Variants in RERE observed in about 807,000 individuals in gnomAD.
RERE encodes the protein arginine-glutamic acid dipeptide repeats.
In RERE, 40 loss-of-function variants were observed where a neutral mutation model predicts 146.1. The observed-to-expected ratio is 0.27, with a 90% CI of 0.21 to 0.36. RERE has a LOEUF of 0.36. Among genes scored for constraint, RERE ranks in the 10% least tolerant of loss-of-function variants. RERE has a pLI of 1.00. For missense variants in RERE, 1,933 were observed against 2,138.7 expected (o/e 0.90, Z 1.90); for synonymous variants, 1,003 against 866.0 (o/e 1.16, Z -2.78).
chr1:8,652,564 T>C (rs192203570), intron 2 of RERE, among the ~76,000 whole-genome samples: 1 of 152,162 alleles, frequency 6.6e-6, no homozygotes. Context: ...TCCACAGGGC[T>C]GGGGAGGCCT....
intron 12 of RERE, among the ~76,000 whole-genome samples, chr1:8,419,890 C>T (rs1643872971): frequency 6.6e-6 from 1 of 152,170 alleles, no homozygotes; most frequent in Admixed American, 6.5e-5. Context: ...ACCACAGCAC[C>T]TACACAATTC....
chr1:8,712,302 A>G (rs1299732560), intron 1 of RERE, among the ~76,000 whole-genome samples: 1 of 152,206 alleles, frequency 6.6e-6, no homozygotes, highest in African/African-American at 2.4e-5. Flanking sequence ...AAAAGAGCAA[A>G]TACTTGGGCT....
At chr1:8,358,044 C>T (rs776865306) in intron 20 of RERE, 152 bp downstream of exon 20, 25 of 1,357,822 alleles carry the variant, frequency 1.8e-5, no homozygotes, top group East Asian at 1.7e-4. Context: ...AAAACCATGA[C>T]GGTAGTGGAT....
chr1:8,445,303 C>G (rs1432085491), intron 11 of RERE, among the ~76,000 whole-genome samples: 1 of 152,172 alleles, frequency 6.6e-6, no homozygotes, highest in Non-Finnish European at 1.5e-5. Context: ...GAAGATCTTG[C>G]CGTATGTAAC....
chr1:8,747,557 CTGAG>C (rs1640447116), intron 1 of RERE, among the ~76,000 whole-genome samples: 4 of 152,166 alleles, frequency 2.6e-5, no homozygotes, highest in East Asian at 1.9e-4. Flanking sequence ...ACTTGATTTA[CTGAG>C]TATCTACTAT....
intron 1 of RERE, among the ~76,000 whole-genome samples, chr1:8,716,314 A>T (rs1055152109): frequency 6.6e-6 from 1 of 151,052 alleles, no homozygotes; most frequent in East Asian, 1.9e-4. Flanking sequence ...AAAAAAAAAA[A>T]AAAATTAAAA....
chr1:8,788,293 T>C (rs1222240570), intron 1 of RERE, among the ~76,000 whole-genome samples: 2 of 151,752 alleles, frequency 1.3e-5, no homozygotes, highest in Non-Finnish European at 2.9e-5. Flanking sequence ...CATAACGTTA[T>C]AATAATATAG....
intron 1 of RERE, among the ~76,000 whole-genome samples, chr1:8,667,155 G>T (rs1206702298): frequency 6.6e-6 from 1 of 152,080 alleles, no homozygotes; most frequent in East Asian, 1.9e-4. Flanking sequence ...AATAAATAAG[G>T]CTTCTCAATT....
chr1:8,360,874 G>A lies in RERE; in HGVS notation c.2633C>T (p.Ala878Val), dbSNP rs1641543161. 2.0e-6 allele frequency: 3 copies of A among 1,524,152 alleles called. 1 individual carries two copies. The highest frequency in any genetic ancestry group is 4.1e-5 in the Admixed American group (2 of 49,008). 94.4% of individuals were successfully genotyped at this position (1,524,152 alleles called of 1,614,324 possible). ...PPQPFGLPPQ[A>V]SQGQAPLGTS... ...CCCCAGAGGGGCCTGGCCTTGGGAG[G>A]CCTGGGGAGGGAGGCCAAAGGGCTG... Residue 878 changes from alanine to valine, a missense_variant, in exon 18 of 23, where the codon GCC (alanine) becomes GTC (valine). This residue lies in a region of RERE where 1,255 missense variants were observed against 1,153.8 expected (regional missense o/e 1.09). Coordinates refer to ENST00000400908, the MANE Select transcript of RERE (RefSeq NM_001042681.2).
At chr1:8,453,584 T>A (rs1644414096) in intron 11 of RERE, among the ~76,000 whole-genome samples, 1 of 152,142 alleles carries the variant, frequency 6.6e-6, no homozygotes, top group Non-Finnish European at 1.5e-5. Flanking sequence ...GGTGGGCAGA[T>A]CATTTGAGGT....
At chr1:8,411,929 TCTCGCCAAATGAAAACACCTCC>T (rs1317420127) in intron 12 of RERE, among the ~76,000 whole-genome samples, 3 of 152,068 alleles carry the variant, frequency 2.0e-5, no homozygotes, top group African/African-American at 4.8e-5. Context: ...AATTACAGAT[TCTCGCCAAATGAAAACACCTCC>T]CTCGACAACT....
chr1:8,812,366 G>C (rs1641828100), intron 1 of RERE, among the ~76,000 whole-genome samples: 1 of 152,176 alleles, frequency 6.6e-6, no homozygotes, highest in Admixed American at 6.5e-5. Context: ...TTAAAAATAT[G>C]CCGTGTGCAG....
chr1:8,395,558 C>A (rs1643026642), intron 12 of RERE, among the ~76,000 whole-genome samples: 1 of 151,396 alleles, frequency 6.6e-6, no homozygotes, highest in Non-Finnish European at 1.5e-5. Flanking sequence ...GCTATGCAGG[C>A]ACCTGGAGAC....
At chr1:8,554,076 C>T (rs1361936218) in intron 6 of RERE, among the ~76,000 whole-genome samples, 1 of 151,996 alleles carries the variant, frequency 6.6e-6, no homozygotes, top group African/African-American at 2.4e-5. Context: ...ACTCGGGAGA[C>T]TGAGGTAGGA....
chr1:8,389,567 T>C (rs1429681164), intron 12 of RERE, among the ~76,000 whole-genome samples: 1 of 152,102 alleles, frequency 6.6e-6, no homozygotes, highest in Non-Finnish European at 1.5e-5. Flanking sequence ...AAAAAGGTCT[T>C]AGGCAAGACC....
At chr1:8,355,713 C>T (rs1641263921) in intron 21 of RERE, 114 bp from the exon 22 acceptor site, 1 of 903,682 alleles carries the variant, frequency 1.1e-6, no homozygotes, top group East Asian at 2.9e-5. Flanking sequence ...AGTTCGGACA[C>T]AGGAGCCAGC....
intron 1 of RERE, among the ~76,000 whole-genome samples, chr1:8,714,429 G>A (rs559714833): frequency 6.6e-6 from 1 of 152,278 alleles, no homozygotes; most frequent in East Asian, 1.9e-4. Flanking sequence ...AATTTTTGAG[G>A]AAAATAGTCT....
intron 11 of RERE, among the ~76,000 whole-genome samples, chr1:8,450,328 C>T (rs559769253): frequency 5.3e-5 from 8 of 152,020 alleles, no homozygotes; most frequent in Non-Finnish European, 1.0e-4. Flanking sequence ...AGTGATCCCA[C>T]TGAGAAGCCA....
Position 8,656,342 on chromosome 1 carries a change from G to A in RERE, c.-45C>T. On this transcript the variant is annotated 5_prime_UTR_variant, in exon 2 of 23. It adds an upstream start codon to the 5' untranslated region. Coordinates refer to ENST00000400908, the MANE Select transcript of RERE (RefSeq NM_001042681.2). Reference sequence around the variant, plus strand: ...TCTGTCCTCTCACGGCTAGGCCTCCGTGAAAGGTAGACAGTAAGCCTGGGC... The same window carrying A: ...TCTGTCCTCTCACGGCTAGGCCTCCATGAAAGGTAGACAGTAAGCCTGGGC... 1 of 1,569,978 alleles carries A rather than the reference G, an allele frequency of 6.4e-7. No homozygotes were observed. Among genetic ancestry groups the A allele is most frequent in the Non-Finnish European group, 8.6e-7 (1 of 1,159,474 alleles).
Sources: allele counts gnomAD v4.1 joint callset (sites outside exome capture counted in the v4.1 genomes callset), GRCh38; gene constraint gnomAD v4.1.1; regional missense constraint gnomAD v4.1.1; transcripts MANE v1.5; gene names NCBI Gene and HGNC (gene_info 2026-07-23, HGNC 2026-07-21).